SCYL3: variants seen among roughly 807,000 people sequenced by gnomAD.
SCYL3 encodes the protein protein-associating with the carboxyl-terminal domain of ezrin.
SCYL3 carries 35 observed loss-of-function variants against 73.8 expected under a neutral mutation model. That is an observed-to-expected ratio of 0.47 (90% confidence interval 0.36 to 0.63). The LOEUF (loss-of-function observed/expected upper bound fraction) is 0.63. Ranked by LOEUF, SCYL3 falls within the 20% of genes least tolerant of loss-of-function variation. The probability of loss-of-function intolerance (pLI) is 0.00; values close to 1 mark genes in which losing one functional copy is unlikely to be tolerated. For synonymous variants in SCYL3, 277 were observed against 295.2 expected, an observed-to-expected ratio of 0.94 and a Z score of 0.63; for missense variants, 712 against 798.9, an observed-to-expected ratio of 0.89 and a Z score of 1.31.
At chr1:169,859,376 C>G (rs1659449717) in intron 10 of SCYL3, among the ~76,000 whole-genome samples, 164 bp from the exon 11 acceptor site, 1 of 152,158 alleles carries the variant, frequency 6.6e-6, no homozygotes, top group Non-Finnish European at 1.5e-5. Context: ...GGTAAAAGAC[C>G]AGTATCTTCC....
chr1:169,851,647 T>A lies in SCYL3; in HGVS notation c.*2066A>T, dbSNP rs1658355775. 4.0e-6 allele frequency: 3 copies of A among 749,400 alleles called. No individual in the cohort carries two copies. Among genetic ancestry groups the A allele is most frequent in the Non-Finnish European group, 6.4e-6 (3 of 466,670 alleles). 46.4% of individuals were successfully genotyped at this position (749,400 alleles called of 1,614,324 possible). A position where few individuals can be genotyped will look rare whatever the true frequency, so the allele number is the denominator to read the frequency against. On this transcript the variant is annotated 3_prime_UTR_variant, in exon 13 of 13. Transcript: ENST00000367771. ...AACTATTTTGTAAGGAAGAACACAG[T>A]AGAGTGATTTAATCCAGATTATACT...
Position 169,851,585 on chromosome 1 carries a change from G to C in SCYL3, c.*2128C>G, listed in dbSNP as rs181213161. The C allele has an allele frequency of 5.4e-6, 3 of 550,840 alleles. No homozygotes were observed. Among genetic ancestry groups the C allele is most frequent in the Non-Finnish European group, 9.5e-6 (3 of 315,878 alleles). The allele number at this position is 550,840 out of a possible 1,614,324, so 34.1% of individuals were successfully genotyped here. ...TTAGCTTATACAGTAAAGGTTAGCA[G>C]ACTATCATTTTTTCCTGCAAAGACA... On this transcript the variant is annotated 3_prime_UTR_variant, in exon 13 of 13. Coordinates refer to ENST00000367771, the MANE Select transcript of SCYL3 (RefSeq NM_020423.7).
Position 169,864,507 on chromosome 1 carries a change from ATCTGAGG to A in SCYL3, c.816-6_816del, listed in dbSNP as rs1319585628. 3 of 1,586,766 alleles carry A rather than the reference ATCTGAGG, an allele frequency of 1.9e-6. No homozygotes were observed. Among genetic ancestry groups the A allele is most frequent in the Admixed American group, 1.9e-5 (1 of 52,738 alleles). ...AAGCAGCTGACTCTGTCCAGCAGAA[ATCTGAGG>A]ACAAAAAGGGAAAGCCCAGGAAACT... On this transcript the variant is annotated splice_acceptor_variant and splice_polypyrimidine_tract_variant and coding_sequence_variant and intron_variant, in exon 9 of 13. Coordinates refer to ENST00000367771, the MANE Select transcript of SCYL3 (RefSeq NM_020423.7). LOFTEE classifies it high-confidence loss of function.
At chr1:169,855,908 G>A (rs745942798) in intron 11 of SCYL3, 3 of 1,613,852 alleles carry the variant, frequency 1.9e-6, no homozygotes, top group African/African-American at 1.3e-5. Context: ...GGTTCTCCAA[G>A]ATTGGCGAGA....
At chr1:169,855,706 TCAAAACTCC>T in intron 11 of SCYL3, 2 of 1,263,908 alleles carry the variant, frequency 1.6e-6, no homozygotes, top group South Asian at 1.5e-5. Context: ...TAAATCAGTC[TCAAAACTCC>T]CAAAACACCC....
At position 169,852,630 on chromosome 1, in the gene SCYL3, A is replaced by G. The variant is rs1658533107; in HGVS notation, c.*1083T>C. 1.5e-6 allele frequency: 1 copy of G among 684,944 alleles called. No homozygotes were observed. Among genetic ancestry groups the G allele is most frequent in the Non-Finnish European group, 2.4e-6 (1 of 411,878 alleles). 42.4% of individuals were successfully genotyped at this position (684,944 alleles called of 1,614,324 possible). ...ATGATAAACCAAAATGCCTTTACAT[A>G]TTTTTCTAGATGACTGTGTAGGGGT... On this transcript the variant is annotated 3_prime_UTR_variant, in exon 13 of 13. Coordinates refer to ENST00000367771, the MANE Select transcript of SCYL3 (RefSeq NM_020423.7).
At chr1:169,865,798 C>T (rs543337173) in intron 8 of SCYL3, among the ~76,000 whole-genome samples, 2 of 152,116 alleles carry the variant, frequency 1.3e-5, no homozygotes, top group Admixed American at 6.5e-5. Flanking sequence ...CTCCTACCTT[C>T]GTGAAATTCC....
chr1:169,865,075 T>C (rs4508080), intron 8 of SCYL3, among the ~76,000 whole-genome samples: 106,626 of 151,752 alleles, frequency 0.7, 37,659 homozygotes, highest in Middle Eastern at 0.85. Flanking sequence ...TTACTAATAG[T>C]CAAAGTGCCC....
In SCYL3 at chr1:169,851,674, A is replaced by G. The variant is rs778406573; in HGVS notation, c.*2039T>C. The G allele has an allele frequency of 2.0e-4, 177 of 884,452 alleles. No homozygotes were observed. In the Middle Eastern group the frequency reaches 3.0e-3, roughly 15 times the overall value. The allele number at this position is 884,452 out of a possible 1,614,324, so 54.8% of individuals were successfully genotyped here. ...GAGTGATTTAATCCAGATTATACTA[A>G]GAGTATTTATAGATCAGTCCATGTG... On this transcript the variant is annotated 3_prime_UTR_variant, in exon 13 of 13. Transcript: ENST00000367771.
chr1:169,866,586 G>C (rs994591096), intron 8 of SCYL3, among the ~76,000 whole-genome samples: 1 of 152,182 alleles, frequency 6.6e-6, no homozygotes, highest in Non-Finnish European at 1.5e-5. Flanking sequence ...TTGTGCATTT[G>C]TTCATGTTGC....
chr1:169,870,128 A>T (rs764304494), intron 6 of SCYL3, 127 bp downstream of exon 6: 15 of 643,924 alleles, frequency 2.3e-5, no homozygotes, highest in Admixed American at 6.8e-5. Flanking sequence ...GCCCTAAAAA[A>T]GTTACCTGGT....
chr1:169,852,974 A>ATACTC lies in SCYL3; in HGVS notation c.*734_*738dup, dbSNP rs778241007. 1.9e-6 allele frequency: 3 copies of ATACTC among 1,614,008 alleles called. No homozygotes were observed. The highest frequency in any genetic ancestry group is 4.5e-5 in the East Asian group (2 of 44,854). ...ATGGATAAGCTAAAACGTTACATAC[A>ATACTC]TACTCTAGGGTGAAACTTATCACTA... On this transcript the variant is annotated 3_prime_UTR_variant, in exon 13 of 13. Coordinates refer to ENST00000367771, the MANE Select transcript of SCYL3 (RefSeq NM_020423.7).
At chr1:169,869,162 T>C in intron 6 of SCYL3, 123 bp from the exon 7 acceptor site, 2 of 708,616 alleles carry the variant, frequency 2.8e-6, no homozygotes, top group Non-Finnish European at 4.8e-6. Context: ...GCCCTGGCTG[T>C]TGCTAAACAG....
intron 11 of SCYL3, chr1:169,855,691 A>T: frequency 9.7e-7 from 1 of 1,034,210 alleles, no homozygotes; most frequent in Non-Finnish European, 1.4e-6. Flanking sequence ...CTACATAATT[A>T]CAAATAAATC....
At chr1:169,879,063 G>C (rs1661063526) in intron 2 of SCYL3, among the ~76,000 whole-genome samples, 1 of 152,126 alleles carries the variant, frequency 6.6e-6, no homozygotes, top group East Asian at 1.9e-4. Context: ...TGTAGTGTAA[G>C]CCTCATAAGA....
chr1:169,875,617 C>A (rs370317620), intron 4 of SCYL3, among the ~76,000 whole-genome samples: 2 of 152,132 alleles, frequency 1.3e-5, no homozygotes, highest in Non-Finnish European at 2.9e-5. Context: ...CTTAAGAGCC[C>A]AACCAATGGA....
rs1661860114 is a variant in SCYL3, at chr1:169,888,821, G to C, written c.20C>G (p.Ala7Gly). The change falls in exon 2 of 13, where the codon GCT becomes GGT. Residue 7 changes from alanine (A) to glycine (G), a missense_variant. Physicochemically the swap from Ala to Gly is moderately conservative, Grantham distance 60 (BLOSUM62 0). Coordinates refer to ENST00000367771, the MANE Select transcript of SCYL3 (RefSeq NM_020423.7). MGSENS[A>G]LKSYTLREPP... ...TTCTCTCAGTGTATAGCTCTTTAAA[G>C]CACTGTTCTCTGATCCCATCCCTTA... 1 of 1,612,906 alleles carries C rather than the reference G, an allele frequency of 6.2e-7. No individual in the cohort carries two copies. The highest frequency in any genetic ancestry group is 8.5e-7 in the Non-Finnish European group (1 of 1,179,448).
intron 2 of SCYL3, among the ~76,000 whole-genome samples, chr1:169,879,931 T>C (rs987673316): frequency 3.3e-5 from 5 of 152,030 alleles, no homozygotes; most frequent in African/African-American, 1.2e-4. Context: ...GTCAGTAAAC[T>C]TGAAAATATT....
At chr1:169,866,424 T>A (rs1660036519) in intron 8 of SCYL3, among the ~76,000 whole-genome samples, 1 of 152,218 alleles carries the variant, frequency 6.6e-6, no homozygotes, top group Non-Finnish European at 1.5e-5. Context: ...TTTGATGGCT[T>A]CAATGCCTGA....
Sources: allele counts gnomAD v4.1 joint callset (sites outside exome capture counted in the v4.1 genomes callset), GRCh38; gene constraint gnomAD v4.1.1; transcripts MANE v1.5; gene names NCBI Gene and HGNC (gene_info 2026-07-23, HGNC 2026-07-21).